Variants in PTAR1 observed in about 807,000 individuals in gnomAD.
PTAR1 encodes the protein protein prenyltransferase alpha subunit repeat-containing protein 1.
PTAR1 carries 17 observed loss-of-function variants against 45.5 expected under a neutral mutation model. The ratio of observed to expected loss-of-function variants is 0.37; its 90% CI spans 0.26 to 0.56. The LOEUF is 0.56. PTAR1 is among the 20% of genes least tolerant of loss of function. The pLI is 0.77. For synonymous variants in PTAR1, 169 were observed against 171.3 expected, an observed-to-expected ratio of 0.99 and a Z score of 0.11; for missense variants, 391 against 476.3, an observed-to-expected ratio of 0.82 and a Z score of 1.67.
At position 69,734,206 on chromosome 9, in the gene PTAR1, A is replaced by G. The variant is rs1825675826; in HGVS notation, c.372T>C (p.His124=). 4.6e-6 allele frequency: 7 copies of G among 1,515,954 alleles called. No homozygotes were observed. Among genetic ancestry groups the G allele is most frequent in the African/African-American group, 1.4e-5 (1 of 69,294 alleles). 93.9% of individuals were successfully genotyped at this position (1,515,954 alleles called of 1,614,324 possible). The change falls in exon 4 of 8, where the codon CAT becomes CAC. Residue 124 remains histidine, a synonymous_variant. Coordinates refer to ENST00000340434, the MANE Select transcript of PTAR1 (RefSeq NM_001099666.2). The stretch of plus-strand genomic sequence containing the variant: ...ACTTGGTTAAGGCGAGTTTTCCCAG[A>G]TGTAAATCCTTAATTGGATTTAAAG... ...SGTLNPIKDL[H]LGKLALTKFP...
rs772623528 is a variant in PTAR1 at position 69,759,958 on chromosome 9, G to C, written c.-20C>G. Reference sequence around the variant, plus strand: ...GGCCATGTTGGCGGCGGCCGCGACAGTTCGGGCGCGCCTCCGCGTGAGCCG... The same window carrying C: ...GGCCATGTTGGCGGCGGCCGCGACACTTCGGGCGCGCCTCCGCGTGAGCCG... On this transcript the variant is annotated 5_prime_UTR_variant, in exon 1 of 8. Transcript: ENST00000340434. The C allele has an allele frequency of 2.2e-5, 33 of 1,470,772 alleles. No homozygotes were observed. Among genetic ancestry groups the C allele is most frequent in the East Asian group, 9.1e-5 (3 of 32,950 alleles). 91.1% of individuals were successfully genotyped at this position (1,470,772 alleles called of 1,614,324 possible). A position where few individuals can be genotyped will look rare whatever the true frequency, so the allele number is the denominator to read the frequency against.
chr9:69,759,505 G>A (rs1308454841), intron 1 of PTAR1, among the ~76,000 whole-genome samples: 1 of 152,176 alleles, frequency 6.6e-6, no homozygotes, highest in Non-Finnish European at 1.5e-5. Context: ...GACCCACATC[G>A]TTGTGTGCGC....
chr9:69,740,077 G>A (rs889693369), intron 3 of PTAR1, among the ~76,000 whole-genome samples: 3 of 152,058 alleles, frequency 2.0e-5, no homozygotes, highest in Non-Finnish European at 1.5e-5. Flanking sequence ...AAAGTCAGCC[G>A]CTAGTTAACT....
At chr9:69,723,712 G>T in intron 5 of PTAR1, 82 bp from the exon 6 acceptor site, 1 of 1,090,532 alleles carries the variant, frequency 9.2e-7, no homozygotes, top group Non-Finnish European at 1.3e-6. Flanking sequence ...ATTTCTCTTT[G>T]ATTTGTTCCT....
intron 4 of PTAR1, among the ~76,000 whole-genome samples, chr9:69,732,833 T>C (rs2134111682): frequency 1.3e-5 from 2 of 152,338 alleles, no homozygotes; most frequent in South Asian, 2.1e-4. Context: ...TCAGCAAAAT[T>C]CTGTATTATA....
intron 6 of PTAR1, among the ~76,000 whole-genome samples, chr9:69,722,312 A>T (rs1306284689): frequency 6.6e-6 from 1 of 152,212 alleles, no homozygotes; most frequent in African/African-American, 2.4e-5. Context: ...ATTTATGAAG[A>T]TGAAGATGCC....
intron 5 of PTAR1, among the ~76,000 whole-genome samples, chr9:69,730,347 C>T (rs1160435534): frequency 6.6e-6 from 1 of 151,914 alleles, no homozygotes; most frequent in African/African-American, 2.4e-5. Context: ...CCAAAAATTT[C>T]ACTTTGGCCC....
intron 3 of PTAR1, among the ~76,000 whole-genome samples, chr9:69,739,347 T>C (rs189764013): frequency 5.7e-4 from 86 of 151,732 alleles, no homozygotes; most frequent in Non-Finnish European, 1.0e-3. Context: ...AATAGGACAT[T>C]ATTACTAAGT....
At position 69,732,017 on chromosome 9, in the gene PTAR1, T is replaced by C. The variant is rs930924209; in HGVS notation, c.642+122A>G. 1.2e-5 allele frequency: 8 copies of C among 668,352 alleles called. 1 individual carries two copies. The highest frequency in any genetic ancestry group is 5.7e-5 in the South Asian group (3 of 52,242). The allele number at this position is 668,352 out of a possible 1,614,324, so 41.4% of individuals were successfully genotyped here. On this transcript the variant is annotated intron_variant, in intron 5 of 7. Coordinates refer to ENST00000340434, the MANE Select transcript of PTAR1 (RefSeq NM_001099666.2). ...CCTCCAGAGGTAGCAGCTGTTGCGA[T>C]TCTCTCAAGTTGCCAGACCATCAGT...
chr9:69,735,803 A>G (rs994489583), intron 3 of PTAR1, among the ~76,000 whole-genome samples: 2 of 152,070 alleles, frequency 1.3e-5, no homozygotes, highest in Non-Finnish European at 2.9e-5. Flanking sequence ...CTTATACCAT[A>G]TCTACTTAGA....
chr9:69,737,048 T>C (rs1825819808), intron 3 of PTAR1, among the ~76,000 whole-genome samples: 1 of 152,138 alleles, frequency 6.6e-6, no homozygotes, highest in African/African-American at 2.4e-5. Context: ...AAATATGATA[T>C]GTGGTAACAT....
Position 69,718,336 on chromosome 9 carries a change from CCT to C in PTAR1, c.*4_*5del. 1 of 1,584,620 alleles carries C rather than the reference CCT, an allele frequency of 6.3e-7. No homozygotes were observed. Among genetic ancestry groups the C allele is most frequent in the Non-Finnish European group, 8.6e-7 (1 of 1,162,700 alleles). ...AGGGGAACCTTGTAGGACTAATTCA[CCT>C]CTTTCATTGACTCAAAGTAACCAGC... On this transcript the variant is annotated 3_prime_UTR_variant, in exon 8 of 8. Transcript: ENST00000340434.
At chr9:69,741,714 A>G in intron 3 of PTAR1, 78 bp downstream of exon 3, 3 of 942,794 alleles carry the variant, frequency 3.2e-6, no homozygotes, top group Non-Finnish European at 5.0e-6. Context: ...TCGTTTTCAA[A>G]AGCTAACAAC....
At position 69,709,587 on chromosome 9, in the gene PTAR1, A is replaced by C. The variant is rs1824447133; in HGVS notation, c.*8755T>G. On this transcript the variant is annotated 3_prime_UTR_variant, in exon 8 of 8. Transcript: ENST00000340434. ...ATTTAGCAAAGGTAAGACAAATACT[A>C]TTTTCCATATTCTACAGAAATACAA... 1 of 152,148 alleles carries C rather than the reference A, an allele frequency of 6.6e-6. No individual in the cohort carries two copies. Among genetic ancestry groups the C allele is most frequent in the South Asian group, 2.1e-4 (1 of 4,834 alleles). 9.4% of individuals were successfully genotyped at this position (152,148 alleles called of 1,614,324 possible).
chr9:69,724,020 T>A (rs950575260), intron 5 of PTAR1, among the ~76,000 whole-genome samples: 8 of 152,328 alleles, frequency 5.3e-5, no homozygotes, highest in Non-Finnish European at 8.8e-5. Context: ...CAGATTACTT[T>A]GATATAAACT....
chr9:69,741,765 A>C, intron 3 of PTAR1, 27 bp downstream of exon 3: 3 of 1,512,906 alleles, frequency 2.0e-6, no homozygotes, highest in Non-Finnish European at 2.7e-6. Flanking sequence ...GACAAACTTT[A>C]TCATATCACT....
chr9:69,748,221 G>A (rs1826363800), intron 2 of PTAR1, among the ~76,000 whole-genome samples: 2 of 152,100 alleles, frequency 1.3e-5, no homozygotes, highest in Non-Finnish European at 2.9e-5. Flanking sequence ...GTGAAAAAGA[G>A]AGAGGAGCAA....
chr9:69,732,975 A>G (rs1320887374), intron 4 of PTAR1, among the ~76,000 whole-genome samples: 2 of 152,166 alleles, frequency 1.3e-5, no homozygotes, highest in African/African-American at 4.8e-5. Flanking sequence ...AAAACACTAA[A>G]TAGTGTTTCG....
intron 1 of PTAR1, 135 bp downstream of exon 1, chr9:69,759,718 G>T (rs1826994548): frequency 2.5e-6 from 2 of 784,736 alleles, no homozygotes; most frequent in South Asian, 2.3e-5. Context: ...CGCCCGACAC[G>T]GCTCTGCCTC....
Sources: gnomAD v4.1 joint callset for allele counts (sites outside exome capture counted in the v4.1 genomes callset) on GRCh38, gnomAD v4.1.1 for gene constraint, MANE v1.5 for transcripts, NCBI Gene and HGNC (gene_info 2026-07-23, HGNC 2026-07-21) for gene names.